Variants in CPLX1 observed in about 807,000 individuals in gnomAD.
CPLX1 encodes complexin-1.
CPLX1 carries 6 observed loss-of-function variants against 15.6 expected under a neutral mutation model. The ratio of observed to expected loss-of-function variants is 0.39; its 90% CI spans 0.21 to 0.76. The LOEUF (loss-of-function observed/expected upper bound fraction) is 0.76, where lower values mean the gene tolerates loss of function less well. CPLX1 is among the 30% of genes least tolerant of loss of function. CPLX1 has a pLI of 0.43. For synonymous variants in CPLX1, 91 were observed against 75.2 expected (o/e 1.21, Z -1.08); for missense variants, 242 against 188.6 (o/e 1.28, Z -1.66).
chr4:817,354 G>A (rs1211147166), intron 2 of CPLX1, among the ~76,000 whole-genome samples: 1 of 148,952 alleles, frequency 6.7e-6, no homozygotes, highest in Non-Finnish European at 1.5e-5. Context: ...AGGAGTTCGA[G>A]ACCAGCCTGG....
At position 786,359 on chromosome 4, in the gene CPLX1, G is replaced by T. The variant is rs1303581773; in HGVS notation, c.*142C>A. ...GCGCGCCCCTTGCCGGGTGAGGGAGGCGGCGGGCGCGGGCAGGGCGGGCCT... is the reference window on the plus strand; with the variant it reads ...GCGCGCCCCTTGCCGGGTGAGGGAGTCGGCGGGCGCGGGCAGGGCGGGCCT... On this transcript the variant is annotated 3_prime_UTR_variant, in exon 4 of 4. Transcript: ENST00000304062. The T allele has an allele frequency of 2.2e-6, 2 of 892,358 alleles. No individual in the cohort carries two copies. The highest frequency in any genetic ancestry group is 3.7e-5 in the Admixed American group (1 of 26,996). The allele number at this position is 892,358 out of a possible 1,614,324, so 55.3% of individuals were successfully genotyped here.
At chr4:792,091 G>A (rs1232170115) in intron 3 of CPLX1, among the ~76,000 whole-genome samples, 1 of 152,052 alleles carries the variant, frequency 6.6e-6, no homozygotes, top group Non-Finnish European at 1.5e-5. Flanking sequence ...GGGCTCACCT[G>A]AGAGCGCACC....
intron 2 of CPLX1, among the ~76,000 whole-genome samples, chr4:811,449 A>G (rs1576995356): frequency 6.6e-6 from 1 of 152,148 alleles, no homozygotes; most frequent in Non-Finnish European, 1.5e-5. Flanking sequence ...CCCAGCCTCT[A>G]ATTTCCACTT....
chr4:792,113 G>A lies in CPLX1; in HGVS notation c.207+320C>T, dbSNP rs3775149. 2.9e-4 allele frequency among the ~76,000 whole-genome samples: 44 copies of A among 152,012 alleles called. No individual in the cohort carries two copies. The East Asian group carries it at 6.3e-3, about 22-fold the overall frequency. ...CCTGAGAGCGCACCCCCCATGCCAG[G>A]TGGCCGCCCCACGACCCCTCGGCCC... On this transcript the variant is annotated intron_variant, in intron 3 of 3. Coordinates refer to ENST00000304062, the MANE Select transcript of CPLX1 (RefSeq NM_006651.4).
chr4:822,198 G>A (rs1746881212), intron 2 of CPLX1, among the ~76,000 whole-genome samples: 1 of 148,414 alleles, frequency 6.7e-6, no homozygotes, highest in African/African-American at 2.5e-5. Flanking sequence ...CTCTGTCTCT[G>A]TCTCCATCTC....
At chr4:792,936 T>A (rs1327569949) in intron 2 of CPLX1, among the ~76,000 whole-genome samples, 1 of 152,128 alleles carries the variant, frequency 6.6e-6, no homozygotes, top group African/African-American at 2.4e-5. Context: ...TATGCGTACG[T>A]GTGGCTGTTG....
intron 2 of CPLX1, among the ~76,000 whole-genome samples, chr4:822,210 ATCTC>A (rs778059325): frequency 4.9e-4 from 62 of 126,696 alleles, no homozygotes; most frequent in African/African-American, 1.5e-3. Flanking sequence ...CTCCATCTCT[ATCTC>A]TCTAACTCTC....
chr4:808,618 C>G (rs1437007779), intron 2 of CPLX1, among the ~76,000 whole-genome samples: 3 of 152,136 alleles, frequency 2.0e-5, no homozygotes, highest in African/African-American at 7.2e-5. Flanking sequence ...CTTGAACCTC[C>G]CATAAAACAG....
In CPLX1 at chr4:824,565, A is replaced by C; in HGVS notation, c.-43T>G. 2 of 1,608,008 alleles carry C rather than the reference A, an allele frequency of 1.2e-6. No homozygotes were observed. The highest frequency in any genetic ancestry group is 1.7e-6 in the Non-Finnish European group (2 of 1,175,468). ...CACAGTGGCTCCTCCAGGGGTCAGA[A>C]CTCACACGCAAGTATGGCCGGGAGC... On this transcript the variant is annotated 5_prime_UTR_variant, in exon 2 of 4. Transcript: ENST00000304062.
At chr4:792,780 A>T in intron 2 of CPLX1, 172 bp from the exon 3 acceptor site, 1 of 636,714 alleles carries the variant, frequency 1.6e-6, no homozygotes, top group Non-Finnish European at 2.6e-6. Flanking sequence ...TCTGGCCCTG[A>T]CCCTCCTGCC....
chr4:825,409 C>T (rs913054384), intron 1 of CPLX1, among the ~76,000 whole-genome samples: 2 of 152,068 alleles, frequency 1.3e-5, no homozygotes, highest in Admixed American at 1.3e-4. Flanking sequence ...GGGAGGGCGG[C>T]GGGCGGGGAG....
intron 2 of CPLX1, among the ~76,000 whole-genome samples, chr4:800,768 C>T (rs919244665): frequency 1.4e-5 from 2 of 146,862 alleles, no homozygotes; most frequent in Non-Finnish European, 3.0e-5. Context: ...CACACATATA[C>T]ACACACAGAC....
intron 2 of CPLX1, among the ~76,000 whole-genome samples, chr4:806,413 G>T (rs568883367): frequency 1.2e-4 from 19 of 152,264 alleles, no homozygotes; most frequent in Admixed American, 7.2e-4. Context: ...GTGAATTAAA[G>T]ATTTAAATGT....
Position 786,149 on chromosome 4 carries a change from C to T in CPLX1, c.*352G>A. 1 of 172,574 alleles carries T rather than the reference C, an allele frequency of 5.8e-6. No individual in the cohort carries two copies. The highest frequency in any genetic ancestry group is 1.2e-5 in the Non-Finnish European group (1 of 81,832). 10.7% of individuals were successfully genotyped at this position (172,574 alleles called of 1,614,324 possible). On this transcript the variant is annotated 3_prime_UTR_variant, in exon 4 of 4. Transcript: ENST00000304062. ...TATGGCTGTGCTCCTGAGTGCGGGC[C>T]CGACAGGCGCCCACCGCCGCGAACG...
intron 2 of CPLX1, among the ~76,000 whole-genome samples, chr4:813,264 C>CAA (rs397881229): frequency 1.2e-3 from 109 of 93,026 alleles, no homozygotes; most frequent in African/African-American, 3.6e-3. Context: ...GACTCTGTCT[C>CAA]AAAAAAAAAA....
At position 786,374 on chromosome 4, in the gene CPLX1, AGGGCGGGCCTG is replaced by A; in HGVS notation, c.*116_*126del. 1 of 1,024,336 alleles carries A rather than the reference AGGGCGGGCCTG, an allele frequency of 9.8e-7. No individual in the cohort carries two copies. The highest frequency in any genetic ancestry group is 1.3e-6 in the Non-Finnish European group (1 of 766,718). The allele number at this position is 1,024,336 out of a possible 1,614,324, so 63.5% of individuals were successfully genotyped here. On this transcript the variant is annotated 3_prime_UTR_variant, in exon 4 of 4. Transcript: ENST00000304062. ...GGTGAGGGAGGCGGCGGGCGCGGGC[AGGGCGGGCCTG>A]GGGCTATGGCTTATATCGGCGTGGG...
chr4:806,483 G>T (rs1468705801), intron 2 of CPLX1, among the ~76,000 whole-genome samples: 1 of 152,138 alleles, frequency 6.6e-6, no homozygotes, highest in Non-Finnish European at 1.5e-5. Context: ...CAGGACATAG[G>T]CAAGGTTGAG....
chr4:790,350 G>T (rs1265770416), intron 3 of CPLX1, among the ~76,000 whole-genome samples: 3 of 152,150 alleles, frequency 2.0e-5, no homozygotes, highest in Admixed American at 2.0e-4. Context: ...CTGGCAGCAA[G>T]GTCCGGCCAG....
chr4:800,782 T>C (rs549304773), intron 2 of CPLX1, among the ~76,000 whole-genome samples: 36 of 147,558 alleles, frequency 2.4e-4, no homozygotes, highest in South Asian at 8.4e-4. Flanking sequence ...CACAGACACA[T>C]ATATGTGTAT....
Sources: allele counts gnomAD v4.1 joint callset (sites outside exome capture counted in the v4.1 genomes callset), GRCh38; gene constraint gnomAD v4.1.1; transcripts MANE v1.5; gene names NCBI Gene and HGNC (gene_info 2026-07-23, HGNC 2026-07-21).